The following LRRC36 variants were observed in gnomAD, a reference collection of about 807,000 sequenced individuals.
The protein encoded by LRRC36 is leucine-rich repeat-containing protein 36.
A neutral mutation model predicts 81.1 loss-of-function variants in LRRC36; 62 were observed. The ratio of observed to expected loss-of-function variants is 0.76; its 90% CI spans 0.62 to 0.94. LRRC36 has a LOEUF of 0.94. Among genes scored for constraint, LRRC36 ranks in the 40% least tolerant of loss-of-function variants. The pLI is 0.00. For synonymous variants in LRRC36, 334 were observed against 348.6 expected (o/e 0.96, Z 0.47); for missense variants, 761 against 881.7 (o/e 0.86, Z 1.73).
chr16:67,328,065 C>T (rs1307098724), intron 1 of LRRC36, among the ~76,000 whole-genome samples: 1 of 151,868 alleles, frequency 6.6e-6, no homozygotes, highest in Non-Finnish European at 1.5e-5. Flanking sequence ...GTAGCTGAAG[C>T]GTATGATGTG....
chr16:67,346,154 A>G, intron 2 of LRRC36, 102 bp from the exon 3 acceptor site: 1 of 772,310 alleles, frequency 1.3e-6, no homozygotes, highest in South Asian at 2.5e-5. Context: ...GGACTTGGAT[A>G]ACATGTTTAA....
chr16:67,370,997 G>C lies in LRRC36; in HGVS notation c.1249G>C (p.Glu417Gln). ...NSDPAVLVNVEQQLSTSLDDL... is the reference protein window; with the variant it reads ...NSDPAVLVNVQQQLSTSLDDL... ...TGACCCTGCTGTACTTGTCAATGTA[G>C]AGCAACAATTATCTACCAGCCTGGA... The change falls in exon 9 of 14, where the codon GAG becomes CAG. Residue 417 changes from glutamate to glutamine, a missense_variant. Around this residue, in one of 3 missense-constraint regions of LRRC36, gnomAD observed 139 missense variants for 214.0 expected, o/e 0.65. Coordinates refer to ENST00000329956, the MANE Select transcript of LRRC36 (RefSeq NM_018296.6). 1 of 1,614,108 alleles carries C rather than the reference G, an allele frequency of 6.2e-7. No individual in the cohort carries two copies. The highest frequency in any genetic ancestry group is 8.5e-7 in the Non-Finnish European group (1 of 1,180,016).
chr16:67,384,176 CCT>C (rs2040209983), intron 13 of LRRC36, among the ~76,000 whole-genome samples: 3 of 152,020 alleles, frequency 2.0e-5, no homozygotes, highest in Admixed American at 2.0e-4. Context: ...GTGGCTCGAG[CCT>C]GTAATCCACA....
At chr16:67,374,455 C>T (rs1251998469) in intron 9 of LRRC36, among the ~76,000 whole-genome samples, 2 of 152,046 alleles carry the variant, frequency 1.3e-5, no homozygotes, top group Non-Finnish European at 2.9e-5. Context: ...AGAGCAGTGG[C>T]ACGATCTCGG....
At chr16:67,331,016 G>A (rs752209973) in intron 1 of LRRC36, among the ~76,000 whole-genome samples, 15 of 151,344 alleles carry the variant, frequency 9.9e-5, no homozygotes, top group Non-Finnish European at 1.9e-4. Context: ...CATCTGGTGA[G>A]GGTCATTCCA....
intron 5 of LRRC36, among the ~76,000 whole-genome samples, chr16:67,358,788 G>A (rs1487856727): frequency 6.6e-6 from 1 of 152,084 alleles, no homozygotes; most frequent in African/African-American, 2.4e-5. Context: ...CATGAAAGAT[G>A]CTCAACATCA....
At chr16:67,334,214 G>A (rs2037642889) in intron 1 of LRRC36, among the ~76,000 whole-genome samples, 1 of 151,198 alleles carries the variant, frequency 6.6e-6, no homozygotes, top group African/African-American at 2.4e-5. Flanking sequence ...CATATTTTTA[G>A]TAGAGACCGG....
At chr16:67,352,256 G>A (rs2038680378) in intron 5 of LRRC36, among the ~76,000 whole-genome samples, 1 of 152,206 alleles carries the variant, frequency 6.6e-6, no homozygotes, top group African/African-American at 2.4e-5. Context: ...GTTTTCCACT[G>A]AAAATTGTGT....
intron 11 of LRRC36, among the ~76,000 whole-genome samples, chr16:67,377,109 A>G (rs1036683944): frequency 1.3e-5 from 2 of 152,192 alleles, no homozygotes; most frequent in African/African-American, 4.8e-5. Context: ...AGAAACAAAC[A>G]AAAATTCCAA....
intron 9 of LRRC36, among the ~76,000 whole-genome samples, chr16:67,374,902 C>A (rs1055368599): frequency 6.6e-6 from 1 of 151,564 alleles, no homozygotes; most frequent in African/African-American, 2.4e-5. Flanking sequence ...GAAGCTGAGG[C>A]GGGACGATCA....
chr16:67,370,059 G>A (rs973985975), intron 8 of LRRC36, among the ~76,000 whole-genome samples: 8 of 152,246 alleles, frequency 5.3e-5, no homozygotes, highest in East Asian at 1.9e-4. Flanking sequence ...AAAAGGGACC[G>A]TTACAAGAAA....
At chr16:67,328,490 G>A (rs1261139872) in intron 1 of LRRC36, among the ~76,000 whole-genome samples, 2 of 152,110 alleles carry the variant, frequency 1.3e-5, no homozygotes, top group Non-Finnish European at 2.9e-5. Context: ...TCCAGCCTGG[G>A]TGACAGAGTG....
At chr16:67,346,181 A>G in intron 2 of LRRC36, 75 bp from the exon 3 acceptor site, 2 of 956,398 alleles carry the variant, frequency 2.1e-6, no homozygotes, top group Non-Finnish European at 3.1e-6. Context: ...AAAGTAACAT[A>G]TATTTCCATC....
chr16:67,356,727 G>C (rs948511542), intron 5 of LRRC36, among the ~76,000 whole-genome samples: 1 of 152,192 alleles, frequency 6.6e-6, no homozygotes, highest in Non-Finnish European at 1.5e-5. Context: ...AGGAGAGGCG[G>C]TTGCAGTTAG....
rs1314862419 is a variant in LRRC36 at position 67,375,317 on chromosome 16, C to G, written c.1565C>G (p.Thr522Ser). The G allele has an allele frequency of 3.1e-6, 5 of 1,612,374 alleles. 1 individual carries two copies. In the South Asian group the frequency reaches 5.5e-5, roughly 18 times the overall value. Residue 522 changes from threonine to serine, a missense_variant, in exon 10 of 14, where the codon ACC (threonine) becomes AGC (serine). Thr to Ser is a moderately conservative substitution (Grantham distance 58). Transcript: ENST00000329956. ...GNHSPPISAR[T>S]PHVATVLRQL... Reference sequence around the variant, plus strand: ...CACAGTCCCCCCATCTCTGCCAGAACCCCCCATGTGGCCACTGTCCTCAGA... The same window carrying G: ...CACAGTCCCCCCATCTCTGCCAGAAGCCCCCATGTGGCCACTGTCCTCAGA...
At chr16:67,375,451 A>G (rs1309929538) in intron 10 of LRRC36, 39 bp downstream of exon 10, 2 of 1,522,118 alleles carry the variant, frequency 1.3e-6, no homozygotes, top group Admixed American at 2.2e-5. Context: ...CAGGAGTTGG[A>G]CTTTTCCTCT....
intron 5 of LRRC36, among the ~76,000 whole-genome samples, chr16:67,351,331 C>T (rs1178537770): frequency 1.3e-5 from 2 of 152,102 alleles, no homozygotes; most frequent in African/African-American, 4.8e-5. Flanking sequence ...AGACATTAAG[C>T]ATTTTCGGTT....
chr16:67,356,544 CA>C, intron 5 of LRRC36, among the ~76,000 whole-genome samples: 1 of 152,256 alleles, frequency 6.6e-6, no homozygotes, highest in African/African-American at 2.4e-5. Context: ...CAAAGAAGTG[CA>C]TATCTACTGG....
intron 6 of LRRC36, among the ~76,000 whole-genome samples, chr16:67,364,235 G>A (rs1160748963): frequency 2.0e-5 from 3 of 152,168 alleles, no homozygotes; most frequent in Admixed American, 1.3e-4. Context: ...GATGGGGGAG[G>A]AGTGAAAAAT....
Sources: allele counts gnomAD v4.1 joint callset (sites outside exome capture counted in the v4.1 genomes callset), GRCh38; gene constraint gnomAD v4.1.1; regional missense constraint gnomAD v4.1.1; transcripts MANE v1.5; gene names NCBI Gene and HGNC (gene_info 2026-07-23, HGNC 2026-07-21).